The following PDE4D variants were observed in gnomAD, a reference collection of about 807,000 sequenced individuals.
PDE4D encodes the protein 3',5'-cyclic-AMP phosphodiesterase 4D.
Under a neutral mutation model 87.4 loss-of-function variants are expected in PDE4D, and 24 were observed. That is an observed-to-expected ratio of 0.27 (90% CI 0.20 to 0.39). The LOEUF is 0.39. Ranked by LOEUF, PDE4D falls within the 10% of genes least tolerant of loss-of-function variation. PDE4D has a pLI of 1.00. For synonymous variants in PDE4D, 384 were observed against 383.2 expected (o/e 1.00, Z -0.02); for missense variants, 714 against 1,041.0 (o/e 0.69, Z 4.32).
intron 3 of PDE4D, among the ~76,000 whole-genome samples, chr5:59,949,434 CA>C (rs59654913): frequency 0.1 from 5,807 of 57,630 alleles, 62 homozygotes; most frequent in Middle Eastern, 0.15. Context: ...CTCCGTCTCA[CA>C]AAAAAAAAAA....
chr5:59,302,637 T>C (rs745695142), intron 1 of PDE4D, among the ~76,000 whole-genome samples: 3 of 152,222 alleles, frequency 2.0e-5, no homozygotes, highest in Non-Finnish European at 2.9e-5. Context: ...TGTTTGCTTT[T>C]CTATTCCTGA....
chr5:59,575,527 G>A (rs294501), intron 1 of PDE4D, among the ~76,000 whole-genome samples: 1 of 151,926 alleles, frequency 6.6e-6, no homozygotes, highest in Non-Finnish European at 1.5e-5. Context: ...AGTTCGGCAG[G>A]ATGGTTGCTT....
At chr5:59,771,621 G>T (rs1409972980) in intron 1 of PDE4D, among the ~76,000 whole-genome samples, 5 of 152,172 alleles carry the variant, frequency 3.3e-5, no homozygotes, top group South Asian at 2.1e-4. Flanking sequence ...TCTAGTTCTT[G>T]CTTTTAGCCA....
intron 2 of PDE4D, among the ~76,000 whole-genome samples, chr5:60,000,383 A>T (rs1379006749): frequency 6.6e-6 from 1 of 152,194 alleles, no homozygotes; most frequent in Admixed American, 6.5e-5. Flanking sequence ...ACATTAGCAG[A>T]TTTCTCAGGA....
intron 1 of PDE4D, among the ~76,000 whole-genome samples, chr5:59,388,327 G>A (rs1403757008): frequency 3.3e-5 from 5 of 151,982 alleles, no homozygotes; most frequent in African/African-American, 1.2e-4. Context: ...ATACCTGTTA[G>A]TACAAAAAAG....
chr5:59,747,932 C>T (rs748258365), intron 1 of PDE4D, among the ~76,000 whole-genome samples: 41 of 152,182 alleles, frequency 2.7e-4, no homozygotes, highest in Admixed American at 6.6e-4. Context: ...CTCAAAACCA[C>T]ACAAACATAA....
At chr5:59,276,122 G>GAAA (rs56153175) in intron 1 of PDE4D, 587 of 853,832 alleles carry the variant, frequency 6.9e-4, no homozygotes, top group Middle Eastern at 1.2e-3. Context: ...AGTGAGAAAG[G>GAAA]AAAAAAAAAA....
chr5:60,260,642 TG>T (rs1318239399), intron 1 of PDE4D, among the ~76,000 whole-genome samples: 1 of 152,128 alleles, frequency 6.6e-6, no homozygotes, highest in East Asian at 1.9e-4. Flanking sequence ...TCTAAATATC[TG>T]TCAATCTGCT....
At chr5:59,470,638 T>C (rs540601552) in intron 1 of PDE4D, among the ~76,000 whole-genome samples, 32 of 152,348 alleles carry the variant, frequency 2.1e-4, no homozygotes, top group Non-Finnish European at 3.5e-4. Flanking sequence ...GCTATTTTTA[T>C]CTGAATAATG....
chr5:60,105,152 C>G (rs1320919466), intron 2 of PDE4D, among the ~76,000 whole-genome samples: 4 of 152,124 alleles, frequency 2.6e-5, no homozygotes, highest in Admixed American at 6.5e-5. Context: ...ATAACCAATA[C>G]AGAGAAGTCC....
At chr5:59,494,623 T>C (rs1806816122) in intron 1 of PDE4D, among the ~76,000 whole-genome samples, 1 of 152,222 alleles carries the variant, frequency 6.6e-6, no homozygotes, top group South Asian at 2.1e-4. Context: ...GTGATTTTAA[T>C]TAATTATTGC....
intron 1 of PDE4D, among the ~76,000 whole-genome samples, chr5:59,328,892 A>G (rs1165149391): frequency 6.6e-6 from 1 of 152,218 alleles, no homozygotes; most frequent in Non-Finnish European, 1.5e-5. Flanking sequence ...GCAGCTCATA[A>G]GCCTGAGCTT....
chr5:59,374,397 A>C (rs527625666), intron 1 of PDE4D, among the ~76,000 whole-genome samples: 1 of 152,328 alleles, frequency 6.6e-6, no homozygotes, highest in Non-Finnish European at 1.5e-5. Context: ...GACAAAAAAG[A>C]CTTTAAACCA....
chr5:59,828,903 C>T (rs994118159), intron 1 of PDE4D, among the ~76,000 whole-genome samples: 3 of 151,928 alleles, frequency 2.0e-5, no homozygotes, highest in African/African-American at 4.8e-5. Flanking sequence ...TCATTCATGG[C>T]GGCTGTCTGG....
At chr5:60,516,902 G>A (rs1750824099) in intron 1 of PDE4D, among the ~76,000 whole-genome samples, 1 of 152,136 alleles carries the variant, frequency 6.6e-6, no homozygotes, top group South Asian at 2.1e-4. Context: ...ACAGGCAGAA[G>A]CCCCACCCAC....
chr5:59,020,131 G>A lies in PDE4D; in HGVS notation c.921+18728C>T, dbSNP rs566620911. 2.6e-5 allele frequency among the ~76,000 whole-genome samples: 4 copies of A among 152,148 alleles called. No homozygotes were observed. In the South Asian group the frequency reaches 8.3e-4, roughly 32 times the overall value. On this transcript the variant is annotated intron_variant, in intron 6 of 14. Coordinates refer to ENST00000340635, the MANE Select transcript of PDE4D (RefSeq NM_001104631.2). ...CCAGATCTAGAGAAAAATGGACAAG[G>A]ATCAAATACAAATAATAAAGTCATC...
intron 1 of PDE4D, among the ~76,000 whole-genome samples, chr5:60,510,970 T>TG (rs1750545246): frequency 1.3e-5 from 2 of 152,012 alleles, no homozygotes; most frequent in Non-Finnish European, 2.9e-5. Flanking sequence ...TTGTTTTGTT[T>TG]TGTTTTGTTT....
intron 1 of PDE4D, among the ~76,000 whole-genome samples, chr5:59,574,143 TAAA>T (rs1561242385): frequency 0.015 from 87 of 5,842 alleles, no homozygotes; most frequent in African/African-American, 0.024. Context: ...TATATATATA[TAAA>T]TATATATTTA....
At chr5:59,326,059 T>C (rs1203815593) in intron 1 of PDE4D, among the ~76,000 whole-genome samples, 4 of 151,910 alleles carry the variant, frequency 2.6e-5, no homozygotes, top group Non-Finnish European at 5.9e-5. Context: ...TAGGTGGGAA[T>C]TGAACAATGA....
Sources: gnomAD v4.1 joint callset for allele counts (sites outside exome capture counted in the v4.1 genomes callset) on GRCh38, gnomAD v4.1.1 for gene constraint, MANE v1.5 for transcripts, NCBI Gene and HGNC (gene_info 2026-07-23, HGNC 2026-07-21) for gene names.